The following ZDHHC2 variants were observed in gnomAD, a reference collection of about 807,000 sequenced individuals.
The protein encoded by ZDHHC2 is zDHHC palmitoyltransferase 2.
A neutral mutation model predicts 55.6 loss-of-function variants in ZDHHC2; 51 were observed. The ratio of observed to expected loss-of-function variants is 0.92; its 90% CI spans 0.73 to 1.16. The LOEUF (loss-of-function observed/expected upper bound fraction) is 1.16. Among genes scored for constraint, ZDHHC2 ranks in the 50% most tolerant of loss-of-function variants. The pLI is 0.00. For synonymous variants in ZDHHC2, 199 were observed against 152.9 expected, an observed-to-expected ratio of 1.30 and a Z score of -2.22; for missense variants, 491 against 442.4, an observed-to-expected ratio of 1.11 and a Z score of -0.99.
intron 8 of ZDHHC2, 28 bp downstream of exon 8, chr8:17,208,120 G>T: frequency 6.6e-7 from 1 of 1,523,632 alleles, no homozygotes; most frequent in Non-Finnish European, 8.8e-7. Context: ...GTAGTTGACA[G>T]AACTTTAAAT....
intron 6 of ZDHHC2, among the ~76,000 whole-genome samples, chr8:17,203,765 G>T (rs538084731): frequency 1.3e-5 from 2 of 150,862 alleles, no homozygotes; most frequent in South Asian, 2.1e-4. Context: ...AGATGTAACT[G>T]TTTCCATACA....
chr8:17,176,753 T>G (rs897494925), intron 1 of ZDHHC2, among the ~76,000 whole-genome samples: 1 of 151,492 alleles, frequency 6.6e-6, no homozygotes, highest in African/African-American at 2.4e-5. Context: ...GTGAGGTGAG[T>G]TTGGAGAGAA....
At chr8:17,181,824 A>G (rs1197833695) in intron 1 of ZDHHC2, among the ~76,000 whole-genome samples, 2 of 152,140 alleles carry the variant, frequency 1.3e-5, no homozygotes, top group Admixed American at 6.5e-5. Context: ...TATTTTTCAT[A>G]TGTTATCTTT....
intron 7 of ZDHHC2, 31 bp downstream of exon 7, chr8:17,205,806 G>A: frequency 1.9e-6 from 3 of 1,572,452 alleles, no homozygotes; most frequent in Non-Finnish European, 2.6e-6. Context: ...CTCTTTTTTT[G>A]GTATACAATA....
chr8:17,179,036 G>C (rs1003960183), intron 1 of ZDHHC2, among the ~76,000 whole-genome samples: 1 of 152,002 alleles, frequency 6.6e-6, no homozygotes, highest in Non-Finnish European at 1.5e-5. Context: ...CTGCAGCCTC[G>C]ACCTCCTGTG....
chr8:17,208,217 C>A, intron 8 of ZDHHC2, 125 bp downstream of exon 8: 1 of 1,002,884 alleles, frequency 1.0e-6, no homozygotes, highest in Non-Finnish European at 1.4e-6. Context: ...TTATTTTCCT[C>A]ATTGTTTTTT....
chr8:17,195,418 A>G (rs1806255746), intron 3 of ZDHHC2, 86 bp from the exon 4 acceptor site: 28 of 1,411,816 alleles, frequency 2.0e-5, no homozygotes, highest in Non-Finnish European at 2.6e-5. Flanking sequence ...ATATTTTATA[A>G]ATACCCTTTT....
chr8:17,167,948 G>A (rs908038334), intron 1 of ZDHHC2, among the ~76,000 whole-genome samples: 22 of 151,956 alleles, frequency 1.4e-4, no homozygotes, highest in African/African-American at 4.6e-4. Context: ...ACCCCCACCC[G>A]CCCTTAATGT....
chr8:17,211,517 GT>G (rs1807384110), intron 10 of ZDHHC2, among the ~76,000 whole-genome samples: 1 of 152,070 alleles, frequency 6.6e-6, no homozygotes, highest in Non-Finnish European at 1.5e-5. Flanking sequence ...TTGAGACAGG[GT>G]CTCTCTTGTC....
At chr8:17,198,263 A>G (rs900449023) in intron 5 of ZDHHC2, 118 bp from the exon 6 acceptor site, 32 of 872,994 alleles carry the variant, frequency 3.7e-5, no homozygotes, top group Non-Finnish European at 5.1e-5. Flanking sequence ...TAAGTAAATA[A>G]TTTTGCAATA....
intron 12 of ZDHHC2, among the ~76,000 whole-genome samples, chr8:17,219,757 G>A (rs149116429): frequency 6.6e-6 from 1 of 152,164 alleles, no homozygotes; most frequent in Non-Finnish European, 1.5e-5. Flanking sequence ...TCCAGCCTGG[G>A]TGACAGAGTG....
rs1284237328 is a variant in ZDHHC2 at position 17,223,923 on chromosome 8, G to C, written c.*3702G>C. On this transcript the variant is annotated 3_prime_UTR_variant, in exon 13 of 13. Transcript: ENST00000262096. The stretch of plus-strand genomic sequence containing the variant: ...AAACAGTGGACATCACTGAAAGGAT[G>C]AAATCAAGTAGGCTTGTTTCAAAGA... 1 of 151,664 alleles carries C rather than the reference G, an allele frequency of 6.6e-6. No homozygotes were observed. The highest frequency in any genetic ancestry group is 2.4e-5 in the African/African-American group (1 of 41,386). The allele number at this position is 151,664 out of a possible 1,614,324, so 9.4% of individuals were successfully genotyped here. A position where few individuals can be genotyped will look rare whatever the true frequency, so the allele number is the denominator to read the frequency against.
In ZDHHC2 at chr8:17,222,030, T is replaced by A. The variant is rs1309915484; in HGVS notation, c.*1809T>A. On this transcript the variant is annotated 3_prime_UTR_variant, in exon 13 of 13. Coordinates refer to ENST00000262096, the MANE Select transcript of ZDHHC2 (RefSeq NM_016353.5). ...AGCACAGTACTGTTAGCTGTTTTTG[T>A]GGACAGGATTCGATTAAGTATTCCC... 1 of 146,200 alleles carries A rather than the reference T, an allele frequency of 6.8e-6. No individual in the cohort carries two copies. Among genetic ancestry groups the A allele is most frequent in the Non-Finnish European group, 1.5e-5 (1 of 66,504 alleles). 9.1% of individuals were successfully genotyped at this position (146,200 alleles called of 1,614,324 possible).
chr8:17,220,270 G>C lies in ZDHHC2; in HGVS notation c.*49G>C, dbSNP rs141175364. ...TTCATTTCAAGGTATCAATGCTGTA[G>C]ATGGATGGAAGAGGCTTCCCACAGG... On this transcript the variant is annotated 3_prime_UTR_variant, in exon 13 of 13. Coordinates refer to ENST00000262096, the MANE Select transcript of ZDHHC2 (RefSeq NM_016353.5). 1 of 152,328 alleles carries C rather than the reference G, an allele frequency of 6.6e-6. No individual in the cohort carries two copies. Among genetic ancestry groups the C allele is most frequent in the Non-Finnish European group, 1.5e-5 (1 of 68,040 alleles). The allele number at this position is 152,328 out of a possible 1,614,324, so 9.4% of individuals were successfully genotyped here. A position where few individuals can be genotyped will look rare whatever the true frequency, so the allele number is the denominator to read the frequency against.
rs139626828 is a variant in ZDHHC2, at chr8:17,177,263, G to T, written c.131-7526G>T. Among the ~76,000 whole-genome samples, 7 of 152,294 alleles carry T rather than the reference G, an allele frequency of 4.6e-5. No homozygotes were observed. The East Asian group carries it at 7.7e-4, about 17-fold the overall frequency. On this transcript the variant is annotated intron_variant, in intron 1 of 12. Transcript: ENST00000262096. ...ATTGCAGTGGAATGCTGGGGAATTA[G>T]ACCAATTGGAGTTGGATGAGGAGGT... is the stretch of plus-strand genomic sequence containing the variant.
At chr8:17,173,562 G>A (rs1804973518) in intron 1 of ZDHHC2, among the ~76,000 whole-genome samples, 1 of 151,392 alleles carries the variant, frequency 6.6e-6, no homozygotes, top group Admixed American at 6.6e-5. Context: ...ACGCATCTGT[G>A]GTCCCAGCTA....
chr8:17,180,309 A>G (rs1805364566), intron 1 of ZDHHC2, among the ~76,000 whole-genome samples: 1 of 152,208 alleles, frequency 6.6e-6, no homozygotes, highest in African/African-American at 2.4e-5. Context: ...GTTAAGAATG[A>G]AGACCACTTT....
At chr8:17,169,613 A>G (rs1804758652) in intron 1 of ZDHHC2, among the ~76,000 whole-genome samples, 1 of 152,200 alleles carries the variant, frequency 6.6e-6, no homozygotes, top group Admixed American at 6.5e-5. Flanking sequence ...GCATGGTGTC[A>G]ATCATGAACT....
chr8:17,201,467 TTC>T (rs201294546), intron 6 of ZDHHC2, among the ~76,000 whole-genome samples: 46,027 of 99,094 alleles, frequency 0.46, 15,721 homozygotes, highest in Non-Finnish European at 0.65. Flanking sequence ...GGGCAGCCTT[TTC>T]TCTCTCTCTC....
Sources: allele counts gnomAD v4.1 joint callset (sites outside exome capture counted in the v4.1 genomes callset), GRCh38; gene constraint gnomAD v4.1.1; transcripts MANE v1.5; gene names NCBI Gene and HGNC (gene_info 2026-07-23, HGNC 2026-07-21).